Variants in SEMA3C observed in about 807,000 individuals in gnomAD.
SEMA3C encodes semaphorin 3C, also known as semaphorin-3C.
SEMA3C carries 47 observed loss-of-function variants against 89.4 expected under a neutral mutation model. That is an observed-to-expected ratio of 0.53 (90% CI 0.42 to 0.67). SEMA3C has a LOEUF of 0.67. Among genes scored for constraint, SEMA3C ranks in the 30% least tolerant of loss-of-function variants. The pLI, the probability that SEMA3C is intolerant of heterozygous loss-of-function variation, is 0.00. For missense variants in SEMA3C, 839 were observed against 929.1 expected (o/e 0.90, Z 1.26); for synonymous variants, 310 against 320.2 (o/e 0.97, Z 0.34).
chr7:80,786,479 A>T (rs375666991), intron 12 of SEMA3C, among the ~76,000 whole-genome samples: 1 of 152,142 alleles, frequency 6.6e-6, no homozygotes, highest in Non-Finnish European at 1.5e-5. Context: ...AAGAGAAAAC[A>T]GTCATCTTTT....
chr7:80,810,587 C>G (rs762596765), intron 6 of SEMA3C, 24 bp downstream of exon 6: 3 of 1,580,984 alleles, frequency 1.9e-6, no homozygotes, highest in Admixed American at 3.4e-5. Context: ...ATGTTTAATC[C>G]TCCCTCTTTC....
rs550803531 is a variant in SEMA3C, at chr7:80,903,945, T to G, written c.103+12734A>C. Among the ~76,000 whole-genome samples, 4 of 152,260 alleles carry G rather than the reference T, an allele frequency of 2.6e-5. No homozygotes were observed. The East Asian group carries it at 7.7e-4, about 29-fold the overall frequency. On this transcript the variant is annotated intron_variant, in intron 2 of 17. Transcript: ENST00000265361. ...TATAGCTTCTTCATCTTTTAGAAAG[T>G]CTATTATCCCACCATTAGACACAGA...
chr7:80,858,961 T>C (rs1198727274), intron 2 of SEMA3C, among the ~76,000 whole-genome samples: 1 of 152,152 alleles, frequency 6.6e-6, no homozygotes, highest in Non-Finnish European at 1.5e-5. Flanking sequence ...TTGTCCTCTT[T>C]ATTATAACAC....
intron 2 of SEMA3C, among the ~76,000 whole-genome samples, chr7:80,855,868 A>G (rs1790625416): frequency 6.6e-6 from 1 of 152,124 alleles, no homozygotes; most frequent in South Asian, 2.1e-4. Context: ...TTTCACTTCA[A>G]CATGCAGCTC....
At chr7:80,758,523 TG>T (rs1428231608) in intron 14 of SEMA3C, 35 bp from the exon 15 acceptor site, 1 of 1,604,940 alleles carries the variant, frequency 6.2e-7, no homozygotes, top group South Asian at 1.1e-5. Context: ...ATTTCAGATG[TG>T]GAAGTTAAAA....
At chr7:80,842,339 A>C (rs1437315887) in intron 2 of SEMA3C, among the ~76,000 whole-genome samples, 1 of 152,146 alleles carries the variant, frequency 6.6e-6, no homozygotes, top group African/African-American at 2.4e-5. Context: ...GCATCACTCA[A>C]GCTTTCAAAA....
intron 2 of SEMA3C, among the ~76,000 whole-genome samples, chr7:80,842,456 T>C (rs1223739077): frequency 6.6e-6 from 1 of 152,180 alleles, no homozygotes; most frequent in East Asian, 1.9e-4. Flanking sequence ...AGTTTATTTA[T>C]TTTACAAAAT....
In SEMA3C at chr7:80,744,957, C is replaced by T; in HGVS notation, c.2193G>A (p.Lys731=). 4 of 1,614,100 alleles carry T rather than the reference C, an allele frequency of 2.5e-6. No homozygotes were observed. The highest frequency in any genetic ancestry group is 3.4e-6 in the Non-Finnish European group (4 of 1,179,986). The change falls in exon 18 of 18, where the codon AAG becomes AAA. Residue 731 remains lysine (K), a synonymous_variant. Transcript: ENST00000265361. ...TCCGACTATTGATGAGGGCCTTTAACTTGCCATAGTCCCCTCTCATTTTCT... is the reference window on the plus strand; with the variant it reads ...TCCGACTATTGATGAGGGCCTTTAATTTGCCATAGTCCCCTCTCATTTTCT... ...ESQKMRGDYG[K]LKALINSRKS...
intron 2 of SEMA3C, among the ~76,000 whole-genome samples, chr7:80,877,343 T>C (rs1267945766): frequency 6.6e-6 from 1 of 152,192 alleles, no homozygotes; most frequent in Non-Finnish European, 1.5e-5. Context: ...GACACAACAT[T>C]TGTTAGTCAT....
At chr7:80,828,986 G>A (rs1358773706) in intron 2 of SEMA3C, among the ~76,000 whole-genome samples, 6 of 152,062 alleles carry the variant, frequency 3.9e-5, no homozygotes, top group Non-Finnish European at 8.8e-5. Flanking sequence ...AACATAGTGA[G>A]ACCTTGTCTC....
In SEMA3C at chr7:80,916,799, T is replaced by C. The variant is rs761391214; in HGVS notation, c.-18A>G. ...AATGCCATTTCTTCAGATATGCAAG[T>C]TAATATCCAAGGGAAAATACCTTTA... On this transcript the variant is annotated 5_prime_UTR_variant, in exon 2 of 18. Transcript: ENST00000265361. The C allele has an allele frequency of 6.2e-7, 1 of 1,612,810 alleles. No homozygotes were observed. Among genetic ancestry groups the C allele is most frequent in the South Asian group, 1.1e-5 (1 of 90,954 alleles).
intron 2 of SEMA3C, among the ~76,000 whole-genome samples, chr7:80,906,925 G>A (rs1201128026): frequency 6.6e-6 from 1 of 152,060 alleles, no homozygotes; most frequent in Non-Finnish European, 1.5e-5. Context: ...ATAGAAAATT[G>A]ATTATACCAC....
intron 2 of SEMA3C, among the ~76,000 whole-genome samples, chr7:80,913,812 A>C (rs1458055627): frequency 6.6e-6 from 1 of 152,196 alleles, no homozygotes; most frequent in Non-Finnish European, 1.5e-5. Flanking sequence ...CCTGTAAATC[A>C]CTGTTTTACA....
At chr7:80,771,492 A>T (rs561430899) in intron 12 of SEMA3C, among the ~76,000 whole-genome samples, 33 of 152,202 alleles carry the variant, frequency 2.2e-4, no homozygotes, top group South Asian at 4.1e-4. Flanking sequence ...ATACTATCTA[A>T]TTTTTTTCTA....
chr7:80,764,582 T>G (rs1362609471), intron 13 of SEMA3C, among the ~76,000 whole-genome samples: 2 of 152,144 alleles, frequency 1.3e-5, no homozygotes, highest in Admixed American at 1.3e-4. Flanking sequence ...TCTGTCCTTT[T>G]TTTCTTTTTT....
intron 2 of SEMA3C, among the ~76,000 whole-genome samples, chr7:80,838,870 A>G (rs563424053): frequency 6.6e-6 from 1 of 152,264 alleles, no homozygotes; most frequent in African/African-American, 2.4e-5. Flanking sequence ...CTCCCTTGAC[A>G]CGTGATGATT....
At chr7:80,830,957 A>T (rs1029026788) in intron 2 of SEMA3C, among the ~76,000 whole-genome samples, 5 of 152,194 alleles carry the variant, frequency 3.3e-5, no homozygotes, top group Non-Finnish European at 7.3e-5. Context: ...GAATCAAAGC[A>T]AGTATCACTC....
intron 2 of SEMA3C, among the ~76,000 whole-genome samples, chr7:80,870,492 A>G (rs1791030272): frequency 6.6e-6 from 1 of 152,230 alleles, no homozygotes; most frequent in African/African-American, 2.4e-5. Context: ...CTGCAAAGCG[A>G]ATCCTCCTTG....
At chr7:80,854,414 T>C (rs555342717) in intron 2 of SEMA3C, among the ~76,000 whole-genome samples, 125 of 152,136 alleles carry the variant, frequency 8.2e-4, no homozygotes, top group Non-Finnish European at 1.2e-3. Flanking sequence ...CTTAACAGCA[T>C]AGGTAAACAG....
Sources: gnomAD v4.1 joint callset for allele counts (sites outside exome capture counted in the v4.1 genomes callset) on GRCh38, gnomAD v4.1.1 for gene constraint, MANE v1.5 for transcripts, NCBI Gene and HGNC (gene_info 2026-07-23, HGNC 2026-07-21) for gene names.